Variants in PCDH9 observed in about 807,000 individuals in gnomAD.
PCDH9 encodes the protein protocadherin 9, also known as protocadherin-9.
A neutral mutation model predicts 70.6 loss-of-function variants in PCDH9; 24 were observed. The observed-to-expected ratio is 0.34, with a 90% CI of 0.25 to 0.48. The LOEUF (loss-of-function observed/expected upper bound fraction) is 0.48, where lower values mean the gene tolerates loss of function less well. Among genes scored for constraint, PCDH9 ranks in the 20% least tolerant of loss-of-function variants. PCDH9 has a pLI of 0.99. For missense variants in PCDH9, 1,281 were observed against 1,503.6 expected, an observed-to-expected ratio of 0.85 and a Z score of 2.45; for synonymous variants, 562 against 558.5, an observed-to-expected ratio of 1.01 and a Z score of -0.09.
At chr13:67,019,508 TAAAC>T (rs145785638) in intron 2 of PCDH9, among the ~76,000 whole-genome samples, 4,277 of 152,052 alleles carry the variant, frequency 0.028, 207 homozygotes, top group African/African-American at 0.097. Context: ...CAGTTGCTCT[TAAAC>T]AAACAAACAA....
At chr13:66,545,358 T>C (rs1961140088) in intron 4 of PCDH9, among the ~76,000 whole-genome samples, 1 of 152,148 alleles carries the variant, frequency 6.6e-6, no homozygotes, top group Non-Finnish European at 1.5e-5. Context: ...AGATTCAAAA[T>C]AGAAACATAT....
chr13:66,773,119 G>A (rs1179255742), intron 3 of PCDH9, among the ~76,000 whole-genome samples: 1 of 152,166 alleles, frequency 6.6e-6, no homozygotes, highest in Non-Finnish European at 1.5e-5. Context: ...CAGCCGGTGT[G>A]TCTTTCATGT....
At chr13:66,482,105 T>A (rs1389246871) in intron 4 of PCDH9, among the ~76,000 whole-genome samples, 1 of 152,210 alleles carries the variant, frequency 6.6e-6, no homozygotes, top group Non-Finnish European at 1.5e-5. Flanking sequence ...TAGTGTGGGA[T>A]GGTCTCAGGC....
At chr13:66,494,843 G>A (rs1412579942) in intron 4 of PCDH9, among the ~76,000 whole-genome samples, 4 of 152,080 alleles carry the variant, frequency 2.6e-5, no homozygotes, top group African/African-American at 9.7e-5. Flanking sequence ...CAAAGGCAAT[G>A]TCTTAATTCT....
At chr13:66,417,331 T>A (rs1418601052) in intron 4 of PCDH9, among the ~76,000 whole-genome samples, 4 of 152,174 alleles carry the variant, frequency 2.6e-5, no homozygotes, top group African/African-American at 9.7e-5. Flanking sequence ...TCCAGCTTCA[T>A]CGATGTCCCT....
At chr13:66,388,039 G>A (rs1313677959) in intron 4 of PCDH9, among the ~76,000 whole-genome samples, 13 of 152,118 alleles carry the variant, frequency 8.5e-5, no homozygotes, top group Non-Finnish European at 8.8e-5. Flanking sequence ...CTTGGAATAC[G>A]TATCTTGAGA....
In PCDH9 at chr13:67,227,617, T is replaced by A; in HGVS notation, c.824A>T (p.His275Leu). The A allele has an allele frequency of 6.2e-7, 1 of 1,614,066 alleles. No individual in the cohort carries two copies. Among genetic ancestry groups the A allele is most frequent in the Non-Finnish European group, 8.5e-7 (1 of 1,179,912 alleles). The change falls in exon 2 of 5, where the codon CAT (histidine) becomes CTT (leucine). Residue 275 changes from histidine to leucine, a missense_variant. His to Leu is a moderately conservative substitution (Grantham distance 99, BLOSUM62 -3). Transcript: ENST00000377865. The surrounding 1 kb of genome is among the most constrained non-coding windows in gnomAD (Gnocchi z 4.6). ...ACTGCCTATATCTGCATCAGTGGCATGGAGCTGAATTACAGAGGTACCTAC... is the reference window on the plus strand; with the variant it reads ...ACTGCCTATATCTGCATCAGTGGCAAGGAGCTGAATTACAGAGGTACCTAC... ...APVGTSVIQL[H>L]ATDADIGSNA...
chr13:66,808,098 C>T (rs2080439725), intron 3 of PCDH9, among the ~76,000 whole-genome samples: 1 of 151,988 alleles, frequency 6.6e-6, no homozygotes, highest in Non-Finnish European at 1.5e-5. Context: ...AGGCAAGTGA[C>T]CATACCTGAA....
chr13:66,612,242 C>A (rs1365991881), intron 4 of PCDH9, among the ~76,000 whole-genome samples: 1 of 152,108 alleles, frequency 6.6e-6, no homozygotes, highest in Non-Finnish European at 1.5e-5. Context: ...GACCACTAAA[C>A]AACAAACCAA....
intron 4 of PCDH9, among the ~76,000 whole-genome samples, chr13:66,393,610 ATAT>A (rs1957055698): frequency 6.6e-6 from 1 of 152,242 alleles, no homozygotes; most frequent in Admixed American, 6.5e-5. Context: ...TGCTGAATAT[ATAT>A]TTATTAAATA....
intron 3 of PCDH9, among the ~76,000 whole-genome samples, chr13:66,691,209 G>T (rs1268288525): frequency 6.6e-6 from 1 of 151,842 alleles, no homozygotes; most frequent in African/African-American, 2.4e-5. Context: ...GCTAATTTTT[G>T]TATTTTTTAG....
chr13:66,845,275 T>C (rs143292650), intron 3 of PCDH9, among the ~76,000 whole-genome samples: 2,440 of 152,252 alleles, frequency 0.016, 78 homozygotes, highest in African/African-American at 0.055. Flanking sequence ...CTCCCTCCCA[T>C]GCTCATCGGT....
At chr13:66,710,563 A>G (rs1292684405) in intron 3 of PCDH9, among the ~76,000 whole-genome samples, 2 of 152,166 alleles carry the variant, frequency 1.3e-5, no homozygotes, top group African/African-American at 4.8e-5. Flanking sequence ...CAGAAATGTT[A>G]TTACAAACAT....
intron 4 of PCDH9, among the ~76,000 whole-genome samples, chr13:66,628,859 T>G (rs1566466951): frequency 6.6e-6 from 1 of 152,210 alleles, no homozygotes; most frequent in Non-Finnish European, 1.5e-5. Flanking sequence ...ACTTCTCAGT[T>G]GGCCCTGGCT....
At chr13:66,586,173 T>C (rs1251162616) in intron 4 of PCDH9, among the ~76,000 whole-genome samples, 3 of 152,084 alleles carry the variant, frequency 2.0e-5, no homozygotes, top group Non-Finnish European at 4.4e-5. Flanking sequence ...GAAATGAGTA[T>C]AAATAAATTA....
intron 2 of PCDH9, among the ~76,000 whole-genome samples, chr13:67,185,488 G>C (rs2088729948): frequency 1.3e-5 from 2 of 152,110 alleles, no homozygotes; most frequent in Non-Finnish European, 2.9e-5. Context: ...AGAAGAATTT[G>C]ATGACATTTT....
intron 2 of PCDH9, among the ~76,000 whole-genome samples, chr13:67,105,358 G>A (rs1363220590): frequency 6.6e-6 from 1 of 152,034 alleles, no homozygotes; most frequent in Non-Finnish European, 1.5e-5. Context: ...ATAAGGAGCA[G>A]GACATTTTAT....
intron 3 of PCDH9, among the ~76,000 whole-genome samples, chr13:66,821,747 G>T (rs1234510065): frequency 6.6e-6 from 1 of 152,080 alleles, no homozygotes; most frequent in African/African-American, 2.4e-5. Flanking sequence ...CTTATGCAAG[G>T]ATTCCTGTGG....
At chr13:66,537,074 T>G (rs1216012875) in intron 4 of PCDH9, among the ~76,000 whole-genome samples, 4 of 152,132 alleles carry the variant, frequency 2.6e-5, no homozygotes, top group African/African-American at 9.6e-5. Flanking sequence ...GACCTCAATT[T>G]TGGAAAGGAT....
Sources: allele counts gnomAD v4.1 joint callset (sites outside exome capture counted in the v4.1 genomes callset), GRCh38; gene constraint gnomAD v4.1.1; non-coding constraint Gnocchi (gnomAD v3.1); transcripts MANE v1.5; gene names NCBI Gene and HGNC (gene_info 2026-07-23, HGNC 2026-07-21).